The following VAMP7 variants were observed in gnomAD, a reference collection of about 807,000 sequenced individuals.
VAMP7 encodes vesicle-associated membrane protein 7.
Under a neutral mutation model 29.6 loss-of-function variants are expected in VAMP7, and 14 were observed. The observed-to-expected ratio is 0.47, with a 90% CI of 0.31 to 0.74. VAMP7 has a LOEUF of 0.74. VAMP7 is among the 30% of genes least tolerant of loss of function. The pLI is 0.05. For synonymous variants in VAMP7, 95 were observed against 88.1 expected, an observed-to-expected ratio of 1.08 and a Z score of -0.44; for missense variants, 223 against 262.4, an observed-to-expected ratio of 0.85 and a Z score of 1.04.
At chrX:155,938,295 A>T (rs910056593) in intron 6 of VAMP7, among the ~76,000 whole-genome samples, 1 of 152,134 alleles carries the variant, frequency 6.6e-6, no homozygotes, top group African/African-American at 2.4e-5. Flanking sequence ...AGATGTAATC[A>T]GTTTTGGTAT....
intron 6 of VAMP7, among the ~76,000 whole-genome samples, chrX:155,922,073 A>G (rs1052421199): frequency 6.6e-6 from 1 of 152,010 alleles, no homozygotes; most frequent in African/African-American, 2.4e-5. Flanking sequence ...GTATTGTGTA[A>G]CAAATTTTTA....
intron 6 of VAMP7, among the ~76,000 whole-genome samples, chrX:155,937,864 C>T (rs1427886993): frequency 6.6e-6 from 1 of 152,108 alleles, no homozygotes. Context: ...CCTGGATTTG[C>T]TTGATCAGTT....
At chrX:155,913,353 C>T (rs2066265487) in intron 5 of VAMP7, among the ~76,000 whole-genome samples, 1 of 152,070 alleles carries the variant, frequency 6.6e-6, no homozygotes, top group South Asian at 2.1e-4. Context: ...GTTTCTTTTG[C>T]TGTGCAGAAG....
chrX:155,913,040 A>T (rs1358900670), intron 5 of VAMP7, among the ~76,000 whole-genome samples: 1 of 152,008 alleles, frequency 6.6e-6, no homozygotes, highest in Non-Finnish European at 1.5e-5. Context: ...CTGACTTGTT[A>T]ATGATTGCCA....
chrX:155,924,904 A>G (rs1233198451), intron 6 of VAMP7, among the ~76,000 whole-genome samples: 1 of 152,216 alleles, frequency 6.6e-6, no homozygotes, highest in Non-Finnish European at 1.5e-5. Flanking sequence ...AGCTGAGTTG[A>G]TGTAATTTTC....
chrX:155,905,713 T>A (rs2066137518), intron 5 of VAMP7, among the ~76,000 whole-genome samples: 1 of 152,198 alleles, frequency 6.6e-6, no homozygotes, highest in Non-Finnish European at 1.5e-5. Flanking sequence ...TAGTTATCAA[T>A]GGATGTATAG....
At chrX:155,910,028 A>G (rs749303599) in intron 5 of VAMP7, among the ~76,000 whole-genome samples, 1 of 151,932 alleles carries the variant, frequency 6.6e-6, no homozygotes, top group East Asian at 1.9e-4. Flanking sequence ...CTGCTATCAA[A>G]CATTAGAACT....
At chrX:155,924,247 G>A (rs1330928637) in intron 6 of VAMP7, among the ~76,000 whole-genome samples, 1 of 152,122 alleles carries the variant, frequency 6.6e-6, no homozygotes, top group Non-Finnish European at 1.5e-5. Flanking sequence ...GTACACTTCA[G>A]TGGAATTTAG....
rs1602940660 is a variant in VAMP7 at position 155,902,000 on chromosome X, A to G, written c.433+1413A>G. Among the ~76,000 whole-genome samples, 3 of 152,078 alleles carry G rather than the reference A, an allele frequency of 2.0e-5. No individual in the cohort carries two copies. The South Asian group carries it at 6.3e-4, about 32-fold the overall frequency. The stretch of plus-strand genomic sequence containing the variant: ...TTCATGATATTGATTCTTCCTACCC[A>G]TGAACATGGAATGTTCTTCCATTTC... On this transcript the variant is annotated intron_variant, in intron 5 of 7. Coordinates refer to ENST00000286448, the MANE Select transcript of VAMP7 (RefSeq NM_005638.6).
chrX:155,889,279 G>C (rs2065899693), intron 1 of VAMP7, among the ~76,000 whole-genome samples, 179 bp from the exon 2 acceptor site: 1 of 152,120 alleles, frequency 6.6e-6, no homozygotes, highest in African/African-American at 2.4e-5. Flanking sequence ...TAGGTTGTAA[G>C]TTTGTAGAAA....
chrX:155,886,311 G>A (rs767384476), intron 1 of VAMP7, among the ~76,000 whole-genome samples: 1 of 152,250 alleles, frequency 6.6e-6, no homozygotes, highest in South Asian at 2.1e-4. Context: ...ATGGGGGCAG[G>A]TAAGACTTCA....
intron 5 of VAMP7, among the ~76,000 whole-genome samples, chrX:155,903,938 A>G (rs1313443519): frequency 1.3e-5 from 2 of 152,078 alleles, no homozygotes; most frequent in African/African-American, 4.8e-5. Flanking sequence ...CACAATAGCA[A>G]AGACTTGGAA....
intron 5 of VAMP7, among the ~76,000 whole-genome samples, chrX:155,916,728 G>C (rs1005373765): frequency 6.6e-5 from 10 of 152,280 alleles, no homozygotes; most frequent in Admixed American, 2.0e-4. Context: ...GAGATCTGCT[G>C]TTAGTCTGAT....
chrX:155,891,923 A>G (rs1288329098), intron 2 of VAMP7, among the ~76,000 whole-genome samples: 2 of 152,220 alleles, frequency 1.3e-5, no homozygotes, highest in African/African-American at 4.8e-5. Flanking sequence ...CTAAAAATGT[A>G]TTAGACTTAC....
At chrX:155,941,526 C>A (rs2066743762) in intron 7 of VAMP7, among the ~76,000 whole-genome samples, 4 of 152,052 alleles carry the variant, frequency 2.6e-5, no homozygotes, top group Non-Finnish European at 2.9e-5. Flanking sequence ...TGAAACCATA[C>A]TTCAGGAGAA....
chrX:155,890,765 C>T (rs986880717), intron 2 of VAMP7, among the ~76,000 whole-genome samples: 12 of 152,176 alleles, frequency 7.9e-5, no homozygotes, highest in South Asian at 2.1e-4. Context: ...CAACCTTCCC[C>T]GTTGGCACTT....
intron 5 of VAMP7, among the ~76,000 whole-genome samples, chrX:155,906,183 TG>T (rs1159399369): frequency 6.6e-6 from 1 of 152,212 alleles, no homozygotes; most frequent in Admixed American, 6.5e-5. Flanking sequence ...GCTCTGTCCT[TG>T]GCCTGCCTAA....
intron 6 of VAMP7, among the ~76,000 whole-genome samples, chrX:155,922,158 C>T (rs2066405499): frequency 6.6e-6 from 1 of 151,812 alleles, no homozygotes; most frequent in South Asian, 2.1e-4. Context: ...TGTTTGTATT[C>T]TGCAACCTTA....
chrX:155,890,211 G>A (rs1295596183), intron 2 of VAMP7, among the ~76,000 whole-genome samples: 1 of 152,014 alleles, frequency 6.6e-6, no homozygotes, highest in Non-Finnish European at 1.5e-5. Context: ...GCCCAGGATG[G>A]TGAAAATAAA....
Sources: gnomAD v4.1 joint callset for allele counts (sites outside exome capture counted in the v4.1 genomes callset) on GRCh38, gnomAD v4.1.1 for gene constraint, MANE v1.5 for transcripts, NCBI Gene and HGNC (gene_info 2026-07-23, HGNC 2026-07-21) for gene names.